ADARB2: variants seen among roughly 807,000 people sequenced by gnomAD.
ADARB2 encodes the protein inactive double-stranded RNA-specific editase B2.
Under a neutral mutation model 62.2 loss-of-function variants are expected in ADARB2, and 25 were observed. That is an observed-to-expected ratio of 0.40 (90% CI 0.29 to 0.56). ADARB2 has a LOEUF of 0.56. Among genes scored for constraint, ADARB2 ranks in the 20% least tolerant of loss-of-function variants. The pLI is 0.43. For missense variants in ADARB2, 1,071 were observed against 1,077.4 expected, an observed-to-expected ratio of 0.99 and a Z score of 0.08; for synonymous variants, 572 against 500.8, an observed-to-expected ratio of 1.14 and a Z score of -1.90.
intron 3 of ADARB2, among the ~76,000 whole-genome samples, chr10:1,309,911 C>T (rs145364595): frequency 3.9e-5 from 6 of 152,346 alleles, no homozygotes; most frequent in African/African-American, 7.2e-5. Flanking sequence ...CTGCCACCTG[C>T]GGGCACACCT....
At chr10:1,644,499 G>C (rs1430105895) in intron 1 of ADARB2, among the ~76,000 whole-genome samples, 1 of 152,250 alleles carries the variant, frequency 6.6e-6, no homozygotes, top group African/African-American at 2.4e-5. Context: ...ATTCTCAAAT[G>C]TTCTTTAAAA....
chr10:1,454,442 C>T (rs1330659651), intron 1 of ADARB2, among the ~76,000 whole-genome samples: 1 of 152,182 alleles, frequency 6.6e-6, no homozygotes, highest in African/African-American at 2.4e-5. Flanking sequence ...TTGGAAGCAT[C>T]TATCCATTGA....
chr10:1,256,512 C>T (rs887339061), intron 4 of ADARB2, among the ~76,000 whole-genome samples: 20 of 152,184 alleles, frequency 1.3e-4, no homozygotes, highest in Non-Finnish European at 2.4e-4. Context: ...GTTTGCAACA[C>T]TGCTAATCAG....
chr10:1,604,473 G>C (rs1833470381), intron 1 of ADARB2, among the ~76,000 whole-genome samples: 1 of 152,204 alleles, frequency 6.6e-6, no homozygotes, highest in Admixed American at 6.5e-5. Context: ...GCCCTTCCTG[G>C]AAAGGGAGAG....
intron 7 of ADARB2, among the ~76,000 whole-genome samples, chr10:1,204,839 A>C (rs1304602354): frequency 2.0e-5 from 3 of 152,184 alleles, no homozygotes; most frequent in Non-Finnish European, 2.9e-5. Flanking sequence ...GCGTAGGAGG[A>C]AGCTGATGGA....
At chr10:1,543,359 C>T (rs1386506192) in intron 1 of ADARB2, among the ~76,000 whole-genome samples, 1 of 152,230 alleles carries the variant, frequency 6.6e-6, no homozygotes, top group Non-Finnish European at 1.5e-5. Context: ...GCTGGGAACA[C>T]ATTTTAAATA....
chr10:1,684,686 G>A (rs1169045702), intron 1 of ADARB2, among the ~76,000 whole-genome samples: 1 of 152,108 alleles, frequency 6.6e-6, no homozygotes, highest in African/African-American at 2.4e-5. Flanking sequence ...CCAAACTGTT[G>A]TTTTATTTTT....
At chr10:1,577,963 G>A (rs1170304266) in intron 1 of ADARB2, among the ~76,000 whole-genome samples, 2 of 152,220 alleles carry the variant, frequency 1.3e-5, no homozygotes, top group East Asian at 1.9e-4. Flanking sequence ...GTGGCTGCAA[G>A]CCATGAAGAG....
chr10:1,595,857 A>G (rs995621671), intron 1 of ADARB2, among the ~76,000 whole-genome samples: 1 of 152,200 alleles, frequency 6.6e-6, no homozygotes. Context: ...GGACATCTAC[A>G]TGTTGGAGCC....
intron 1 of ADARB2, among the ~76,000 whole-genome samples, chr10:1,553,656 T>G (rs1564328148): frequency 6.6e-6 from 1 of 152,210 alleles, no homozygotes; most frequent in Non-Finnish European, 1.5e-5. Flanking sequence ...AACAGGTTAT[T>G]CCCAGAGGAA....
chr10:1,226,664 T>C (rs2133969), intron 6 of ADARB2, among the ~76,000 whole-genome samples: 97,961 of 152,144 alleles, frequency 0.64, 32,037 homozygotes, highest in African/African-American at 0.74. Context: ...TTGGAGTTTG[T>C]TAGAGGTCCA....
chr10:1,688,884 C>A (rs4880533), intron 1 of ADARB2, among the ~76,000 whole-genome samples: 1 of 152,204 alleles, frequency 6.6e-6, no homozygotes, highest in Admixed American at 6.5e-5. Context: ...AACATTTTAA[C>A]GTAAAAAAGT....
intron 1 of ADARB2, among the ~76,000 whole-genome samples, chr10:1,576,138 AGAGGGGGGTCCACGGTCACAGG>A (rs1833016568): frequency 3.1e-5 from 1 of 32,604 alleles, no homozygotes; most frequent in Non-Finnish European, 5.6e-5. Flanking sequence ...CAGGGTCACA[AGAGGGGGGTCCACGGTCACAGG>A]AGGGGGGTTC....
At chr10:1,434,205 G>C (rs1448305604) in intron 1 of ADARB2, among the ~76,000 whole-genome samples, 1 of 152,164 alleles carries the variant, frequency 6.6e-6, no homozygotes, top group African/African-American at 2.4e-5. Context: ...GGCTGATAAC[G>C]AGAGATTTAA....
intron 1 of ADARB2, among the ~76,000 whole-genome samples, chr10:1,411,173 C>T (rs1832756364): frequency 6.6e-6 from 1 of 152,186 alleles, no homozygotes; most frequent in African/African-American, 2.4e-5. Flanking sequence ...TGAGATGCCT[C>T]CCCAGCCTCC....
chr10:1,546,568 G>A (rs1832523949), intron 1 of ADARB2, among the ~76,000 whole-genome samples: 1 of 152,246 alleles, frequency 6.6e-6, no homozygotes, highest in African/African-American at 2.4e-5. Flanking sequence ...CACTGGAGAA[G>A]GGGCAGCAAC....
chr10:1,728,453 C>T (rs1265608588), intron 1 of ADARB2, among the ~76,000 whole-genome samples: 2 of 152,144 alleles, frequency 1.3e-5, no homozygotes, highest in African/African-American at 2.4e-5. Flanking sequence ...AATATTTCAA[C>T]TTTCTCTATT....
Position 1,366,258 on chromosome 10 carries a change from G to T in ADARB2, c.188-2341C>A, listed in dbSNP as rs191772979. On this transcript the variant is annotated intron_variant, in intron 2 of 9. Coordinates refer to ENST00000381312, the MANE Select transcript of ADARB2 (RefSeq NM_018702.4). ...GCAAAATCATCATTTGCCAGCTGGGGTGATGAATGCATTTGATGATGATTT... is the reference window on the plus strand; with the variant it reads ...GCAAAATCATCATTTGCCAGCTGGGTTGATGAATGCATTTGATGATGATTT... Among the ~76,000 whole-genome samples the T allele has an allele frequency of 4.3e-4, 66 of 152,334 alleles. 2 individuals carry two copies. Among genetic ancestry groups the T allele is most frequent in the Admixed American group, 3.9e-3 (60 of 15,304 alleles).
intron 1 of ADARB2, among the ~76,000 whole-genome samples, chr10:1,514,235 A>C (rs756128905): frequency 2.8e-5 from 4 of 140,352 alleles, no homozygotes; most frequent in East Asian, 4.3e-4. Context: ...TAAATATATA[A>C]AAATATACTT....
Sources: allele counts gnomAD v4.1 joint callset (sites outside exome capture counted in the v4.1 genomes callset), GRCh38; gene constraint gnomAD v4.1.1; transcripts MANE v1.5; gene names NCBI Gene and HGNC (gene_info 2026-07-23, HGNC 2026-07-21).